The following TRIML2 variants were observed in gnomAD, a reference collection of about 807,000 sequenced individuals.
TRIML2 encodes probable E3 ubiquitin-protein ligase TRIML2.
Under a neutral mutation model 31.2 loss-of-function variants are expected in TRIML2, and 28 were observed. That is an observed-to-expected ratio of 0.90 (90% CI 0.66 to 1.23). TRIML2 has a LOEUF of 1.23. Ranked by LOEUF, TRIML2 falls within the 50% of genes most tolerant of loss-of-function variation. The pLI is 0.00. For synonymous variants in TRIML2, 187 were observed against 197.5 expected, an observed-to-expected ratio of 0.95 and a Z score of 0.45; for missense variants, 536 against 528.3, an observed-to-expected ratio of 1.01 and a Z score of -0.14.
At position 188,091,917 on chromosome 4, in the gene TRIML2, G is replaced by A. The variant is rs1469297231; in HGVS notation, c.770C>T (p.Thr257Ile). 1.2e-6 allele frequency: 2 copies of A among 1,611,566 alleles called. No individual in the cohort carries two copies. The highest frequency in any genetic ancestry group is 1.3e-5 in the African/African-American group (1 of 75,032). Reference protein sequence around the residue: ...LQRHLTLDPETAHPCLALSED... With the variant: ...LQRHLTLDPEIAHPCLALSED... ...AGATAGTGCCAGGCAGGGATGAGCTGTTTCAGGATCCAATGTTAAATGTCC... is the reference window on the plus strand; with the variant it reads ...AGATAGTGCCAGGCAGGGATGAGCTATTTCAGGATCCAATGTTAAATGTCC... The change falls in exon 8 of 8, where the codon ACA becomes ATA. Residue 257 changes from threonine to isoleucine, a missense_variant. Coordinates refer to ENST00000682553, the MANE Select transcript of TRIML2 (RefSeq NM_173553.4).
In TRIML2 at chr4:188,094,091, AAAAAACAAAAACAAAAAC is replaced by A. The variant is rs750746687; in HGVS notation, c.746-2168_746-2151del. On this transcript the variant is annotated intron_variant, in intron 7 of 7. Transcript: ENST00000682553. ...GGGTGACAGAGCCAGACAGCATCTC[AAAAAACAAAAACAAAAAC>A]AAAAACAAAAACAAAAACAAAAAAC... is the stretch of plus-strand genomic sequence containing the variant. 2.7e-4 allele frequency among the ~76,000 whole-genome samples: 37 copies of A among 136,836 alleles called. 1 individual carries two copies. The highest frequency in any genetic ancestry group is 8.4e-4 in the African/African-American group (29 of 34,414). The allele number at this position is 136,836 out of a possible 152,430, so 89.8% of individuals were successfully genotyped here.
Position 188,091,363 on chromosome 4 carries a change from A to G in TRIML2, c.*10T>C. 6.2e-7 allele frequency: 1 copy of G among 1,603,408 alleles called. No individual in the cohort carries two copies. Among genetic ancestry groups the G allele is most frequent in the Non-Finnish European group, 8.5e-7 (1 of 1,172,706 alleles). On this transcript the variant is annotated 3_prime_UTR_variant, in exon 8 of 8. Coordinates refer to ENST00000682553, the MANE Select transcript of TRIML2 (RefSeq NM_173553.4). ...GGTGTCTCGTGGTCTTGGATTTTAC[A>G]CACAGAAGATTAAGGGCTAACAGTA...
At chr4:188,098,552 A>G (rs1431367485) in intron 5 of TRIML2, 1 of 195,620 alleles carries the variant, frequency 5.1e-6, no homozygotes, top group Non-Finnish European at 1.1e-5. Flanking sequence ...CAAGATTATC[A>G]CAGATGACTA....
At chr4:188,097,474 T>C (rs539652041) in intron 5 of TRIML2, 128 bp from the exon 6 acceptor site, 1 of 836,332 alleles carries the variant, frequency 1.2e-6, no homozygotes, top group South Asian at 1.5e-5. Context: ...ATAATGCTAG[T>C]TATCAGATGA....
chr4:188,094,136 CA>C (rs77995826), intron 7 of TRIML2, among the ~76,000 whole-genome samples: 21,775 of 142,666 alleles, frequency 0.15, 2,973 homozygotes, highest in East Asian at 0.57. Context: ...ACAAAAAACA[CA>C]AAACAACAAC....
chr4:188,097,508 A>C (rs1490070513), intron 5 of TRIML2, among the ~76,000 whole-genome samples, 162 bp from the exon 6 acceptor site: 1 of 152,224 alleles, frequency 6.6e-6, no homozygotes, highest in Non-Finnish European at 1.5e-5. Context: ...TGGAAACAGA[A>C]AAAGTCAGAA....
At chr4:188,100,645 C>G (rs943550626) in intron 4 of TRIML2, among the ~76,000 whole-genome samples, 24 of 152,078 alleles carry the variant, frequency 1.6e-4, no homozygotes, top group African/African-American at 5.6e-4. Context: ...TGGCGTGAAC[C>G]CGGGAGGCGA....
intron 7 of TRIML2, among the ~76,000 whole-genome samples, 184 bp downstream of exon 7, chr4:188,096,877 G>A (rs1004989699): frequency 5.3e-5 from 8 of 151,992 alleles, no homozygotes; most frequent in Non-Finnish European, 8.8e-5. Flanking sequence ...GGCTGGTCTC[G>A]AACTCCTGGC....
Position 188,091,719 on chromosome 4 carries a change from C to G in TRIML2, c.968G>C (p.Gly323Ala), listed in dbSNP as rs1270748375. The G allele has an allele frequency of 6.2e-7, 1 of 1,614,060 alleles. No homozygotes were observed. ...ATRWQVGIYH[G>A]SADAKGSTAR... is the part of the protein sequence containing the mutation. ...CGTGCTGCCCTTCGCGTCTGCAGAG[C>G]CGTGGTATATGCCCACTTGCCACCT... Residue 323 changes from glycine (G) to alanine (A), a missense_variant, in exon 8 of 8, where the codon GGC (glycine) becomes GCC (alanine). By Grantham distance (60) the Gly-to-Ala change is moderately conservative (BLOSUM62 0). Coordinates refer to ENST00000682553, the MANE Select transcript of TRIML2 (RefSeq NM_173553.4).
chr4:188,105,223 T>C lies in TRIML2; in HGVS notation c.146A>G (p.His49Arg), dbSNP rs770105323. The C allele has an allele frequency of 3.1e-6, 5 of 1,610,900 alleles. No individual in the cohort carries two copies. Among genetic ancestry groups the C allele is most frequent in the African/African-American group, 2.7e-5 (2 of 75,008 alleles). Residue 49 changes from histidine (H) to arginine (R), a missense_variant, in exon 2 of 8, where the codon CAT becomes CGT. His to Arg is a conservative substitution (Grantham distance 29). Coordinates refer to ENST00000682553, the MANE Select transcript of TRIML2 (RefSeq NM_173553.4). ...SKCFQSQEHK[H>R]HMVCGIQEAA... ...CTCTTGTATCCCACACACCATGTGA[T>C]GTTTGTGCTCCTGGGACTGGAAGCA...
At chr4:188,103,235 C>T (rs1193956000) in intron 3 of TRIML2, among the ~76,000 whole-genome samples, 5 of 151,904 alleles carry the variant, frequency 3.3e-5, no homozygotes, top group South Asian at 2.1e-4. Context: ...CTCCTGACCT[C>T]GTGATCCGCC....
chr4:188,095,798 G>A (rs538290034), intron 7 of TRIML2, among the ~76,000 whole-genome samples: 31 of 152,236 alleles, frequency 2.0e-4, no homozygotes, highest in African/African-American at 6.5e-4. Context: ...ACCCATGTCC[G>A]TAGAATTGCA....
Position 188,099,003 on chromosome 4 carries a change from T to C in TRIML2, c.621+32A>G, listed in dbSNP as rs1286136436. The C allele has an allele frequency of 1.9e-6, 3 of 1,612,846 alleles. No individual in the cohort carries two copies. The South Asian group carries it at 3.3e-5, about 18-fold the overall frequency. On this transcript the variant is annotated intron_variant, in intron 5 of 7. Coordinates refer to ENST00000682553, the MANE Select transcript of TRIML2 (RefSeq NM_173553.4). Reference sequence around the variant, plus strand: ...ACTTCTCATTTCTCAAATACTGGAATGAATTTTATTTTCTTTTTCCCAGCA... The same window carrying C: ...ACTTCTCATTTCTCAAATACTGGAACGAATTTTATTTTCTTTTTCCCAGCA...
chr4:188,099,509 A>T (rs1368952134), intron 4 of TRIML2, among the ~76,000 whole-genome samples: 1 of 151,574 alleles, frequency 6.6e-6, no homozygotes, highest in East Asian at 2.0e-4. Context: ...CGTTGCAGTG[A>T]GCCAAGATCG....
At chr4:188,106,300 C>T (rs906375347) in intron 1 of TRIML2, among the ~76,000 whole-genome samples, 13 of 152,336 alleles carry the variant, frequency 8.5e-5, no homozygotes, top group African/African-American at 3.1e-4. Context: ...ATCCACCCGC[C>T]TCGGCCTCCC....
chr4:188,106,306 C>T (rs1003346446), intron 1 of TRIML2, among the ~76,000 whole-genome samples: 4 of 152,200 alleles, frequency 2.6e-5, no homozygotes, highest in Non-Finnish European at 5.9e-5. Flanking sequence ...CCGCCTCGGC[C>T]TCCCAAAGTG....
chr4:188,092,127 A>G (rs112337217), intron 7 of TRIML2, among the ~76,000 whole-genome samples, 186 bp from the exon 8 acceptor site: 64 of 152,214 alleles, frequency 4.2e-4, no homozygotes, highest in Middle Eastern at 3.4e-3. Flanking sequence ...CATGGAGGAA[A>G]AAGTCCATAA....
At chr4:188,100,696 T>TG (rs1733748106) in intron 4 of TRIML2, among the ~76,000 whole-genome samples, 1 of 152,092 alleles carries the variant, frequency 6.6e-6, no homozygotes, top group Non-Finnish European at 1.5e-5. Context: ...CACTCCAGCC[T>TG]GGAGACAGAG....
intron 4 of TRIML2, among the ~76,000 whole-genome samples, chr4:188,099,943 ACTGCG>A (rs1733698910): frequency 8.3e-6 from 1 of 120,672 alleles, no homozygotes; most frequent in Non-Finnish European, 1.6e-5. Context: ...CTTTACATAT[ACTGCG>A]TAGTCACATA....
Sources: gnomAD v4.1 joint callset for allele counts (sites outside exome capture counted in the v4.1 genomes callset) on GRCh38, gnomAD v4.1.1 for gene constraint, MANE v1.5 for transcripts, NCBI Gene and HGNC (gene_info 2026-07-23, HGNC 2026-07-21) for gene names.